The following DPYSL2 variants were observed in gnomAD, a reference collection of about 807,000 sequenced individuals.
DPYSL2 encodes dihydropyrimidinase like 2.
In DPYSL2, 13 loss-of-function variants were observed where a neutral mutation model predicts 69.9. The ratio of observed to expected loss-of-function variants is 0.19; its 90% CI spans 0.12 to 0.30. The LOEUF is 0.30. Ranked by LOEUF, DPYSL2 falls within the 10% of genes least tolerant of loss-of-function variation. The pLI is 1.00. For missense variants in DPYSL2, 587 were observed against 918.9 expected (o/e 0.64, Z 4.67); for synonymous variants, 326 against 359.1 (o/e 0.91, Z 1.04).
At chr8:26,535,024 T>C (rs1411181513) in intron 1 of DPYSL2, among the ~76,000 whole-genome samples, 4 of 152,202 alleles carry the variant, frequency 2.6e-5, no homozygotes, top group African/African-American at 9.7e-5. Flanking sequence ...TCATTATGTG[T>C]CTTAGTCCAA....
intron 1 of DPYSL2, among the ~76,000 whole-genome samples, chr8:26,552,274 T>C (rs1189861998): frequency 6.6e-6 from 1 of 152,222 alleles, no homozygotes; most frequent in Non-Finnish European, 1.5e-5. Context: ...ATTAAACGCA[T>C]ATATTAGAAA....
chr8:26,540,283 G>C (rs1800657909), intron 1 of DPYSL2, among the ~76,000 whole-genome samples: 1 of 151,896 alleles, frequency 6.6e-6, no homozygotes, highest in Non-Finnish European at 1.5e-5. Flanking sequence ...AAAAAAATCG[G>C]TAAACTTGAA....
At position 26,643,404 on chromosome 8, in the gene DPYSL2, G is replaced by T. The variant is rs187707246; in HGVS notation, c.1127-35G>T. On this transcript the variant is annotated intron_variant, in intron 8 of 13. Transcript: ENST00000521913. The surrounding 1 kb of genome is among the most constrained non-coding windows in gnomAD (Gnocchi z 6.5). ...GGGGTGGTTCCCTTCCCCCTGCATTGTGTTGGACTGAACCTTGTGTGTTCT... is the reference window on the plus strand; with the variant it reads ...GGGGTGGTTCCCTTCCCCCTGCATTTTGTTGGACTGAACCTTGTGTGTTCT... The T allele has an allele frequency of 1.3e-5, 20 of 1,556,010 alleles. No individual in the cohort carries two copies. The East Asian group carries it at 4.3e-4, about 33-fold the overall frequency.
rs1554547444 is a variant in DPYSL2, at chr8:26,644,318, A to AT, written c.1425+234dup. ...TATTTCTTTTTAAAACAATTTTTAA[A>AT]TTTTTTTCAGACAAGGTCTTGCTCT... On this transcript the variant is annotated intron_variant, in intron 10 of 13. Coordinates refer to ENST00000521913, the MANE Select transcript of DPYSL2 (RefSeq NM_001197293.3). The surrounding 1 kb of genome is among the most constrained non-coding windows in gnomAD (Gnocchi z 4.5). Among the ~76,000 whole-genome samples the AT allele has an allele frequency of 1.3e-5, 2 of 152,038 alleles. No individual in the cohort carries two copies. Among genetic ancestry groups the AT allele is most frequent in the Non-Finnish European group, 2.9e-5 (2 of 67,994 alleles).
chr8:26,564,763 A>AT lies in DPYSL2; in HGVS notation c.355-17196dup, dbSNP rs199840227. 3.0e-3 allele frequency among the ~76,000 whole-genome samples: 449 copies of AT among 150,282 alleles called. 5 individuals carry two copies. Among genetic ancestry groups the AT allele is most frequent in the African/African-American group, 0.01 (415 of 40,622 alleles). Reference sequence around the variant, plus strand: ...TCTGTCCCAGTTTCTTTTTAAAAGAATTTTTTTTTTAAAAAATTTCAATAG... The same window carrying AT: ...TCTGTCCCAGTTTCTTTTTAAAAGAATTTTTTTTTTTAAAAAATTTCAATAG... On this transcript the variant is annotated intron_variant, in intron 1 of 13. Coordinates refer to ENST00000521913, the MANE Select transcript of DPYSL2 (RefSeq NM_001197293.3). The surrounding 1 kb of genome is among the most constrained non-coding windows in gnomAD (Gnocchi z 4.8).
At chr8:26,542,897 A>G (rs756425036) in intron 1 of DPYSL2, among the ~76,000 whole-genome samples, 2 of 152,184 alleles carry the variant, frequency 1.3e-5, no homozygotes, top group African/African-American at 2.4e-5. Flanking sequence ...AGCATACAGT[A>G]TGTATGTATC....
chr8:26,575,753 A>G (rs429020), intron 1 of DPYSL2, among the ~76,000 whole-genome samples: 137,813 of 152,218 alleles, frequency 0.91, 62,749 homozygotes, highest in East Asian at 0.99. Context: ...CTCAAACAAC[A>G]GGGACGGGGG....
intron 3 of DPYSL2, among the ~76,000 whole-genome samples, chr8:26,606,427 T>G (rs372016002): frequency 6.6e-6 from 1 of 152,076 alleles, no homozygotes; most frequent in Non-Finnish European, 1.5e-5. Flanking sequence ...CTTGACTACA[T>G]AGTAATTAAA....
chr8:26,521,837 G>A (rs1808390415), intron 1 of DPYSL2, among the ~76,000 whole-genome samples: 1 of 152,020 alleles, frequency 6.6e-6, no homozygotes, highest in Admixed American at 6.6e-5. Flanking sequence ...GTTCATCTAT[G>A]TTGTAACATG....
At position 26,567,282 on chromosome 8, in the gene DPYSL2, C is replaced by CATCCATCCATCA. The variant is rs913869140; in HGVS notation, c.355-14676_355-14675insAATCCATCCATC. On this transcript the variant is annotated intron_variant, in intron 1 of 13. Coordinates refer to ENST00000521913, the MANE Select transcript of DPYSL2 (RefSeq NM_001197293.3). The stretch of plus-strand genomic sequence containing the variant: ...CCACCCATTCATTTATCCACCTACC[C>CATCCATCCATCA]ATCCATCCATCCACCCACCACACAT... 5.1e-4 allele frequency among the ~76,000 whole-genome samples: 77 copies of CATCCATCCATCA among 151,836 alleles called. No individual in the cohort carries two copies. The East Asian group carries it at 0.015, about 29-fold the overall frequency.
Position 26,514,409 on chromosome 8 carries a change from C to G in DPYSL2, c.84C>G (p.Pro28=), listed in dbSNP as rs1309618116. ...TTAAAAACCTGGGCTCCGGCAGCCC[C>G]AAGCCCCGGCAGAAATTCTGTGGCA... The part of the protein sequence containing the change: ...AFFKNLGSGS[P]KPRQKFCGMF... Residue 28 remains proline (P), a synonymous_variant, in exon 1 of 14, where the codon CCC becomes CCG. Coordinates refer to ENST00000521913, the MANE Select transcript of DPYSL2 (RefSeq NM_001197293.3). This position sits in a 1 kb window ranked among gnomAD's most constrained non-coding sequence, Gnocchi z 8.4. 6.6e-7 allele frequency: 1 copy of G among 1,518,190 alleles called. No homozygotes were observed. The highest frequency in any genetic ancestry group is 1.2e-5 in the South Asian group (1 of 81,424). The allele number at this position is 1,518,190 out of a possible 1,614,324, so 94.0% of individuals were successfully genotyped here.
chr8:26,621,718 A>AG lies in DPYSL2; in HGVS notation c.629-2422dup, dbSNP rs1404234167. 1.3e-5 allele frequency among the ~76,000 whole-genome samples: 2 copies of AG among 152,080 alleles called. No homozygotes were observed. Among genetic ancestry groups the AG allele is most frequent in the Non-Finnish European group, 2.9e-5 (2 of 68,012 alleles). ...GGGGAATGGGTTTCCAGAGAGAGAG[A>AG]GGGCTGCTTGTGCACAGGCTTGGAG... On this transcript the variant is annotated intron_variant, in intron 3 of 13. Coordinates refer to ENST00000521913, the MANE Select transcript of DPYSL2 (RefSeq NM_001197293.3). This position sits in a 1 kb window ranked among gnomAD's most constrained non-coding sequence, Gnocchi z 4.9.
chr8:26,616,869 C>G (rs1802364435), intron 3 of DPYSL2, among the ~76,000 whole-genome samples: 1 of 152,106 alleles, frequency 6.6e-6, no homozygotes, highest in Non-Finnish European at 1.5e-5. Flanking sequence ...CTCATCCTCC[C>G]TCCTCCCTTC....
intron 1 of DPYSL2, among the ~76,000 whole-genome samples, chr8:26,567,281 C>G (rs560116960): frequency 8.9e-5 from 1 of 11,220 alleles, no homozygotes; most frequent in South Asian, 1.5e-3. Context: ...ATCCACCTAC[C>G]CATCCATCCA....
At chr8:26,601,205 G>A (rs1340531019) in intron 3 of DPYSL2, among the ~76,000 whole-genome samples, 7 of 152,172 alleles carry the variant, frequency 4.6e-5, no homozygotes, top group Admixed American at 3.9e-4. Context: ...GTAAGATAGG[G>A]TGGGAAATGT....
chr8:26,596,801 A>G (rs770674261), intron 3 of DPYSL2, among the ~76,000 whole-genome samples: 3 of 152,238 alleles, frequency 2.0e-5, no homozygotes, highest in African/African-American at 7.2e-5. Context: ...TGGCCCTTGC[A>G]TATCCTAGAA....
chr8:26,651,573 T>C (rs1159193710), intron 11 of DPYSL2, among the ~76,000 whole-genome samples: 1 of 152,204 alleles, frequency 6.6e-6, no homozygotes, highest in Non-Finnish European at 1.5e-5. Flanking sequence ...GTGCAATGAC[T>C]CCTGTGTTCT....
At chr8:26,519,908 T>A (rs1451708053) in intron 1 of DPYSL2, among the ~76,000 whole-genome samples, 1 of 152,246 alleles carries the variant, frequency 6.6e-6, no homozygotes, top group Non-Finnish European at 1.5e-5. Context: ...ACTCTTATTC[T>A]TATTTTGCAA....
At position 26,591,763 on chromosome 8, in the gene DPYSL2, C is replaced by A. The variant is rs369226330; in HGVS notation, c.628+7780C>A. 3.8e-3 allele frequency among the ~76,000 whole-genome samples: 571 copies of A among 152,196 alleles called. 2 individuals carry two copies. The highest frequency in any genetic ancestry group is 0.013 in the African/African-American group (556 of 41,532). Reference sequence around the variant, plus strand: ...TCCTCTCCGCTTTCTCTTTGTCATCCCCCCATGGCAGCCCCTCTGCCTCTG... The same window carrying A: ...TCCTCTCCGCTTTCTCTTTGTCATCACCCCATGGCAGCCCCTCTGCCTCTG... On this transcript the variant is annotated intron_variant, in intron 3 of 13. Transcript: ENST00000521913. This position sits in a 1 kb window ranked among gnomAD's most constrained non-coding sequence, Gnocchi z 5.8.
Sources: gnomAD v4.1 joint callset for allele counts (sites outside exome capture counted in the v4.1 genomes callset) on GRCh38, gnomAD v4.1.1 for gene constraint, Gnocchi (gnomAD v3.1) non-coding constraint, MANE v1.5 for transcripts, NCBI Gene and HGNC (gene_info 2026-07-23, HGNC 2026-07-21) for gene names.